The following MTR variants were observed in gnomAD, a reference collection of about 807,000 sequenced individuals.
The protein encoded by MTR is 5-methyltetrahydrofolate-homocysteine methyltransferase.
MTR carries 84 observed loss-of-function variants against 154.8 expected under a neutral mutation model. The ratio of observed to expected loss-of-function variants is 0.54; its 90% CI spans 0.45 to 0.65. MTR has a LOEUF of 0.65. Among genes scored for constraint, MTR ranks in the 30% least tolerant of loss-of-function variants. MTR has a pLI of 0.00. For missense variants in MTR, 1,275 were observed against 1,570.2 expected (o/e 0.81, Z 3.18); for synonymous variants, 554 against 553.9 (o/e 1.00, Z 0.00).
rs1034507483 is a variant in MTR at position 236,900,351 on chromosome 1, A to G, written c.*2707A>G. On this transcript the variant is annotated 3_prime_UTR_variant, in exon 33 of 33. Transcript: ENST00000366577. ...CGTACTATTTTTATTGAGCCCAAAA[A>G]CAAGCAAAACCAAAGAATATGTAGT... 2.8e-5 allele frequency: 5 copies of G among 180,316 alleles called. No individual in the cohort carries two copies. The highest frequency in any genetic ancestry group is 6.0e-5 in the Non-Finnish European group (5 of 83,780). The allele number at this position is 180,316 out of a possible 1,614,324, so 11.2% of individuals were successfully genotyped here.
intron 24 of MTR, 150 bp downstream of exon 24, chr1:236,874,996 A>C (rs1665352516): frequency 2.1e-6 from 2 of 942,410 alleles, no homozygotes; most frequent in Non-Finnish European, 3.2e-6. Flanking sequence ...TCTGGTGTTC[A>C]CTTGGGTGAG....
intron 15 of MTR, among the ~76,000 whole-genome samples, chr1:236,840,793 A>G (rs1394742129): frequency 6.6e-6 from 1 of 152,218 alleles, no homozygotes; most frequent in Non-Finnish European, 1.5e-5. Context: ...ATTTTTTAGT[A>G]GCATGAACAG....
intron 25 of MTR, among the ~76,000 whole-genome samples, chr1:236,882,918 A>G (rs2147910923): frequency 6.6e-6 from 1 of 152,374 alleles, no homozygotes; most frequent in East Asian, 1.9e-4. Context: ...AGCCAGTGGT[A>G]TAATTTGTTT....
intron 19 of MTR, 28 bp from the exon 20 acceptor site, chr1:236,861,097 C>CTTTTTTCTTTTTTT: frequency 8.6e-7 from 1 of 1,156,660 alleles, no homozygotes; most frequent in East Asian, 2.9e-5. Context: ...CTTTCTTTTT[C>CTTTTTTCTTTTTTT]TTTTTTTTTT....
chr1:236,897,507 TCCAA>T (rs776660588), intron 32 of MTR, 47 bp from the exon 33 acceptor site: 1 of 1,544,586 alleles, frequency 6.5e-7, no homozygotes, highest in Non-Finnish European at 9.0e-7. Flanking sequence ...AAACTTCTAT[TCCAA>T]AAGTCTTATC....
chr1:236,815,526 T>C (rs1661537637), intron 6 of MTR, 78 bp from the exon 7 acceptor site: 1 of 1,381,190 alleles, frequency 7.2e-7, no homozygotes, highest in African/African-American at 1.4e-5. Flanking sequence ...TAGAAAAGGG[T>C]GCATTCTAAT....
Position 236,902,164 on chromosome 1 carries a change from C to T in MTR, c.*4520C>T, listed in dbSNP as rs1466078037. The T allele has an allele frequency of 2.0e-5, 3 of 152,276 alleles. No homozygotes were observed. In the East Asian group the frequency reaches 5.8e-4, roughly 29 times the overall value. The allele number at this position is 152,276 out of a possible 1,614,324, so 9.4% of individuals were successfully genotyped here. The stretch of plus-strand genomic sequence containing the variant: ...CCAGCCCCTTAGAGGCATGCAAAGC[C>T]TTCCATGTCTGACCCTGCCTCATGT... On this transcript the variant is annotated 3_prime_UTR_variant, in exon 33 of 33. Coordinates refer to ENST00000366577, the MANE Select transcript of MTR (RefSeq NM_000254.3).
Position 236,861,222 on chromosome 1 carries a change from A to G in MTR, c.2141A>G (p.Asn714Ser). Residue 714 changes from asparagine to serine, a missense_variant, in exon 20 of 33, where the codon AAT becomes AGT. Coordinates refer to ENST00000366577, the MANE Select transcript of MTR (RefSeq NM_000254.3). Reference sequence around the variant, plus strand: ...AATATAATTGAAGGACCCCTGATGAATGGAATGAAAATTGTTGGTGATCTT... The same window carrying G: ...AATATAATTGAAGGACCCCTGATGAGTGGAATGAAAATTGTTGGTGATCTT... ...PLNIIEGPLM[N>S]GMKIVGDLFG... The G allele has an allele frequency of 6.2e-7, 1 of 1,613,874 alleles. No homozygotes were observed. The highest frequency in any genetic ancestry group is 8.5e-7 in the Non-Finnish European group (1 of 1,179,938).
intron 20 of MTR, among the ~76,000 whole-genome samples, chr1:236,861,829 C>T (rs890653348): frequency 1.3e-5 from 2 of 152,230 alleles, no homozygotes; most frequent in Non-Finnish European, 2.9e-5. Flanking sequence ...TTCATCTTGC[C>T]TTAATGTAAG....
intron 19 of MTR, 34 bp from the exon 20 acceptor site, chr1:236,861,091 C>CT (rs1664509955): frequency 1.6e-5 from 22 of 1,415,854 alleles, no homozygotes; most frequent in South Asian, 9.5e-5. Flanking sequence ...TTCTTTCTTT[C>CT]TTTTTCTTTT....
chr1:236,804,038 G>A (rs1170947305), intron 2 of MTR, among the ~76,000 whole-genome samples: 1 of 136,864 alleles, frequency 7.3e-6, no homozygotes, highest in Non-Finnish European at 1.7e-5. Flanking sequence ...GGTTATACAA[G>A]CACACATTTA....
intron 18 of MTR, among the ~76,000 whole-genome samples, chr1:236,859,350 G>A (rs944846217): frequency 1.3e-5 from 2 of 152,226 alleles, no homozygotes; most frequent in Non-Finnish European, 2.9e-5. Context: ...CACAACTTTT[G>A]GAGGACACCT....
At chr1:236,893,229 G>A (rs985431856) in intron 29 of MTR, among the ~76,000 whole-genome samples, 1 of 152,168 alleles carries the variant, frequency 6.6e-6, no homozygotes, top group Non-Finnish European at 1.5e-5. Flanking sequence ...ATGCACAGCT[G>A]TCCCTGAGCT....
chr1:236,846,233 A>G (rs920732594), intron 15 of MTR, among the ~76,000 whole-genome samples: 4 of 152,322 alleles, frequency 2.6e-5, no homozygotes, highest in Non-Finnish European at 2.9e-5. Flanking sequence ...TGAAATTTCT[A>G]TGGGACAAGT....
In MTR at chr1:236,806,712, A is replaced by G. The variant is rs1050335198; in HGVS notation, c.339+479A>G. 3.3e-5 allele frequency among the ~76,000 whole-genome samples: 5 copies of G among 152,178 alleles called. 1 individual carries two copies. Among genetic ancestry groups the G allele is most frequent in the African/African-American group, 1.2e-4 (5 of 41,430 alleles). On this transcript the variant is annotated intron_variant, in intron 3 of 32. Transcript: ENST00000366577. ...GAACTTTCTCATTTTCCAAAACTGAAACTCTGTACCCATTAAACAATACCT... is the reference window on the plus strand; with the variant it reads ...GAACTTTCTCATTTTCCAAAACTGAGACTCTGTACCCATTAAACAATACCT...
chr1:236,800,161 G>C, intron 1 of MTR: 3 of 985,400 alleles, frequency 3.0e-6, no homozygotes, highest in Non-Finnish European at 3.6e-6. Context: ...TGCTCAACTT[G>C]TGTGCACTCG....
intron 27 of MTR, among the ~76,000 whole-genome samples, chr1:236,887,672 C>G (rs1218641228): frequency 6.6e-6 from 1 of 152,238 alleles, no homozygotes; most frequent in Non-Finnish European, 1.5e-5. Context: ...CTGGCATGGG[C>G]TACTGCAGGG....
At chr1:236,840,085 C>A (rs1663143782) in intron 15 of MTR, among the ~76,000 whole-genome samples, 1 of 152,010 alleles carries the variant, frequency 6.6e-6, no homozygotes, top group African/African-American at 2.4e-5. Flanking sequence ...ATTGTATGTA[C>A]TTTTTCTTTC....
In MTR at chr1:236,825,140, AT is replaced by A. The variant is rs749672025; in HGVS notation, c.866-180del. 2.8e-3 allele frequency among the ~76,000 whole-genome samples: 316 copies of A among 114,100 alleles called. 1 individual carries two copies. The highest frequency in any genetic ancestry group is 9.6e-3 in the Middle Eastern group (2 of 208). The allele number at this position is 114,100 out of a possible 152,430, so 74.9% of individuals were successfully genotyped here. The stretch of plus-strand genomic sequence containing the variant: ...ATAATGGAGTTCATTTTCCTCTGTG[AT>A]TTTTTTTTTTTTTTTTTAGTTTTTT... On this transcript the variant is annotated intron_variant, in intron 9 of 32. Transcript: ENST00000366577.
Sources: allele counts gnomAD v4.1 joint callset (sites outside exome capture counted in the v4.1 genomes callset), GRCh38; gene constraint gnomAD v4.1.1; transcripts MANE v1.5; gene names NCBI Gene and HGNC (gene_info 2026-07-23, HGNC 2026-07-21).